Variants in ATP10B observed in about 807,000 individuals in gnomAD.
The protein encoded by ATP10B is phospholipid-transporting ATPase VB.
A neutral mutation model predicts 141.2 loss-of-function variants in ATP10B; 122 were observed. The observed-to-expected ratio is 0.86, with a 90% CI of 0.75 to 1.00. ATP10B has a LOEUF of 1.00. Ranked by LOEUF, ATP10B falls within the 50% of genes least tolerant of loss-of-function variation. The pLI, the probability that ATP10B is intolerant of heterozygous loss-of-function variation, is 0.00. For missense variants in ATP10B, 1,876 were observed against 1,825.3 expected (o/e 1.03, Z -0.51); for synonymous variants, 685 against 692.0 (o/e 0.99, Z 0.16).
chr5:160,565,166 C>T lies in ATP10B; in HGVS notation c.*287G>A, dbSNP rs949037371. The T allele has an allele frequency of 7.2e-6, 3 of 418,916 alleles. No homozygotes were observed. Among genetic ancestry groups the T allele is most frequent in the Non-Finnish European group, 1.3e-5 (3 of 231,154 alleles). The allele number at this position is 418,916 out of a possible 1,614,324, so 25.9% of individuals were successfully genotyped here. On this transcript the variant is annotated 3_prime_UTR_variant, in exon 26 of 26. Transcript: ENST00000327245. ...CTTATCTAGAGGGTCAGAAGAATGG[C>T]TTTGGTCTAAACCGATTTGAGAACT...
the ATP10B span, among the ~76,000 whole-genome samples, chr5:160,865,987 C>G: frequency 2.6e-5 from 4 of 152,108 alleles, no homozygotes; most frequent in East Asian, 7.7e-4. Context: ...AATACAACCA[C>G]TATGGATAAC....
chr5:160,625,570 C>G (rs1758568398), intron 13 of ATP10B, among the ~76,000 whole-genome samples: 1 of 152,170 alleles, frequency 6.6e-6, no homozygotes, highest in Non-Finnish European at 1.5e-5. Flanking sequence ...TGCTTGAGAT[C>G]ACACACTGAT....
chr5:160,636,060 C>T, intron 11 of ATP10B, 122 bp downstream of exon 11: 1 of 1,115,690 alleles, frequency 9.0e-7, no homozygotes. Context: ...CGATGACCAT[C>T]TCCTCATCTC....
the ATP10B span, among the ~76,000 whole-genome samples, chr5:160,857,875 C>T: frequency 1.3e-5 from 2 of 151,898 alleles, no homozygotes; most frequent in African/African-American, 4.8e-5. Context: ...GCACTCTGTA[C>T]AATTTTAATT....
chr5:160,647,919 A>T (rs1760409147), intron 8 of ATP10B, among the ~76,000 whole-genome samples: 1 of 152,080 alleles, frequency 6.6e-6, no homozygotes, highest in African/African-American at 2.4e-5. Flanking sequence ...TCATGGCCTG[A>T]GGACATGTGG....
In ATP10B at chr5:160,716,985, G is replaced by A; in HGVS notation, c.-281C>T. On this transcript the variant is annotated 5_prime_UTR_variant, in exon 3 of 26. Coordinates refer to ENST00000327245, the MANE Select transcript of ATP10B (RefSeq NM_025153.3). ...CCTACAGCCACAGGAAGAGGGGGCA[G>A]ATGTAGTACTTTAGCTGGGCAAATT... 1 of 985,390 alleles carries A rather than the reference G, an allele frequency of 1.0e-6. No individual in the cohort carries two copies. The highest frequency in any genetic ancestry group is 1.2e-6 in the Non-Finnish European group (1 of 829,872). 61.0% of individuals were successfully genotyped at this position (985,390 alleles called of 1,614,324 possible).
intron 1 of ATP10B, among the ~76,000 whole-genome samples, chr5:160,839,530 A>C (rs1010647344): frequency 1.3e-5 from 2 of 152,192 alleles, no homozygotes; most frequent in African/African-American, 4.8e-5. Context: ...CAAAAACTTC[A>C]TAATAGCCAA....
intron 22 of ATP10B, among the ~76,000 whole-genome samples, chr5:160,591,459 G>A (rs1042171381): frequency 1.3e-5 from 2 of 152,164 alleles, no homozygotes; most frequent in African/African-American, 4.8e-5. Context: ...AAGTACTCAG[G>A]CCTTAGTGCC....
the ATP10B span, among the ~76,000 whole-genome samples, chr5:160,859,499 C>CCCT: frequency 6.6e-6 from 1 of 151,402 alleles, no homozygotes; most frequent in African/African-American, 2.4e-5. Context: ...AGCACAGGCC[C>CCCT]CCTCCCCATA....
intron 6 of ATP10B, among the ~76,000 whole-genome samples, chr5:160,671,025 T>C (rs538549966): frequency 2.7e-4 from 40 of 150,916 alleles, no homozygotes; most frequent in Non-Finnish European, 2.8e-4. Flanking sequence ...ATTAGCTGGG[T>C]GTGGTGGTGC....
the ATP10B span, among the ~76,000 whole-genome samples, chr5:160,902,068 G>A: frequency 6.6e-6 from 1 of 152,144 alleles, no homozygotes; most frequent in African/African-American, 2.4e-5. Context: ...ATTCCTGATG[G>A]AGGAAAGGTA....
At chr5:160,690,409 G>T (rs575374001) in intron 3 of ATP10B, among the ~76,000 whole-genome samples, 2 of 152,266 alleles carry the variant, frequency 1.3e-5, no homozygotes, top group South Asian at 4.1e-4. Context: ...TATCATCAGG[G>T]TGAACAGGAA....
intron 3 of ATP10B, among the ~76,000 whole-genome samples, chr5:160,692,065 T>G (rs1318334483): frequency 6.6e-6 from 1 of 152,198 alleles, no homozygotes; most frequent in Non-Finnish European, 1.5e-5. Flanking sequence ...CTCTCACTAT[T>G]AGGTGGTAAG....
chr5:160,580,350 T>G (rs1308524200), intron 24 of ATP10B, among the ~76,000 whole-genome samples: 1 of 152,238 alleles, frequency 6.6e-6, no homozygotes, highest in Admixed American at 6.5e-5. Context: ...CAATACCTAA[T>G]TTATTGAGAG....
chr5:160,714,793 G>A (rs955478486), intron 3 of ATP10B, among the ~76,000 whole-genome samples: 21 of 143,266 alleles, frequency 1.5e-4, no homozygotes, highest in Non-Finnish European at 2.6e-4. Context: ...ATGGGTTTTC[G>A]GTGTAGATGT....
intron 24 of ATP10B, among the ~76,000 whole-genome samples, chr5:160,576,798 A>G (rs1294586293): frequency 6.6e-6 from 1 of 152,226 alleles, no homozygotes; most frequent in African/African-American, 2.4e-5. Flanking sequence ...AGTAGGAAGC[A>G]TCACTGGTGA....
intron 2 of ATP10B, among the ~76,000 whole-genome samples, chr5:160,725,484 C>T (rs1297137600): frequency 1.3e-5 from 2 of 151,190 alleles, no homozygotes; most frequent in African/African-American, 2.4e-5. Context: ...GTTGCTCTGT[C>T]GCCAAGGCTG....
intron 24 of ATP10B, among the ~76,000 whole-genome samples, chr5:160,570,366 A>G (rs949507087): frequency 2.0e-5 from 3 of 152,168 alleles, no homozygotes; most frequent in Admixed American, 2.0e-4. Context: ...AACTATAGTC[A>G]TTCTATTGTT....
chr5:160,912,922 C>A, the ATP10B span, among the ~76,000 whole-genome samples: 2 of 152,252 alleles, frequency 1.3e-5, no homozygotes, highest in South Asian at 4.1e-4. Flanking sequence ...GAAGACAGTA[C>A]TGCAAAGAAG....
Sources: gnomAD v4.1 joint callset for allele counts (sites outside exome capture counted in the v4.1 genomes callset) on GRCh38, gnomAD v4.1.1 for gene constraint, MANE v1.5 for transcripts, NCBI Gene and HGNC (gene_info 2026-07-23, HGNC 2026-07-21) for gene names.